The following MANF variants were observed in gnomAD, a reference collection of about 807,000 sequenced individuals.
MANF encodes mesencephalic astrocyte-derived neurotrophic factor.
A neutral mutation model predicts 19.1 loss-of-function variants in MANF; 9 were observed. The observed-to-expected ratio is 0.47, with a 90% confidence interval of 0.28 to 0.82. The LOEUF (loss-of-function observed/expected upper bound fraction) is 0.82. Among genes scored for constraint, MANF ranks in the 40% least tolerant of loss-of-function variants. MANF has a pLI of 0.10. For synonymous variants in MANF, 89 were observed against 88.0 expected, an observed-to-expected ratio of 1.01 and a Z score of -0.06; for missense variants, 225 against 226.7, an observed-to-expected ratio of 0.99 and a Z score of 0.05.
chr3:51,387,446 A>T (rs1367673946), intron 2 of MANF, among the ~76,000 whole-genome samples: 3 of 150,114 alleles, frequency 2.0e-5, no homozygotes, highest in Non-Finnish European at 4.4e-5. Flanking sequence ...TGGGTGACAG[A>T]GCAAAACTTT....
intron 1 of MANF, 136 bp from the exon 2 acceptor site, chr3:51,386,071 GA>G: frequency 5.2e-6 from 5 of 969,238 alleles, no homozygotes; most frequent in Non-Finnish European, 7.6e-6. Context: ...AGACACCTGA[GA>G]AAAATCGGTG....
At chr3:51,385,634 T>A in intron 1 of MANF, 198 bp downstream of exon 1, 2 of 383,666 alleles carry the variant, frequency 5.2e-6, no homozygotes, top group Non-Finnish European at 4.6e-6. Context: ...TAGAAAACAT[T>A]GGTCCGACGA....
intron 2 of MANF, 85 bp from the exon 3 acceptor site, chr3:51,387,652 A>C: frequency 7.5e-7 from 1 of 1,329,430 alleles, no homozygotes; most frequent in Non-Finnish European, 1.0e-6. Flanking sequence ...GGCCCTACAG[A>C]GAGATGATGT....
At position 51,386,249 on chromosome 3, in the gene MANF, G is replaced by A. The variant is rs781860862; in HGVS notation, c.136G>A (p.Asp46Asn). Residue 46 changes from aspartate to asparagine, a missense_variant, in exon 2 of 4, where the codon GAC becomes AAC. Asp to Asn is a conservative substitution (Grantham distance 23). Transcript: ENST00000528157. The part of the protein sequence containing the change: ...YLGRFYQDLK[D>N]RDVTFSPATI... The stretch of plus-strand genomic sequence containing the variant: ...GGGAAGATTTTACCAGGACCTCAAA[G>A]ACAGAGATGTCACATTCTCACCAGC... The A allele has an allele frequency of 1.9e-6, 3 of 1,613,796 alleles. No homozygotes were observed. Among genetic ancestry groups the A allele is most frequent in the Non-Finnish European group, 1.7e-6 (2 of 1,179,800 alleles).
rs555582370 is a variant in MANF at position 51,388,727 on chromosome 3, CT to C, written c.365-177del. 1.3e-3 allele frequency among the ~76,000 whole-genome samples: 195 copies of C among 152,302 alleles called. 1 individual carries two copies. The highest frequency in any genetic ancestry group is 2.2e-3 in the Non-Finnish European group (153 of 68,030). ...GTAGCCAGCCTTCCTGGTGAAGAGGCTAGTTCCCTCTTGTGGGGGCAGTAGG... is the reference window on the plus strand; with the variant it reads ...GTAGCCAGCCTTCCTGGTGAAGAGGCAGTTCCCTCTTGTGGGGGCAGTAGG... On this transcript the variant is annotated intron_variant, in intron 3 of 3. Coordinates refer to ENST00000528157, the MANE Select transcript of MANF (RefSeq NM_006010.6).
chr3:51,388,829 A>G, intron 3 of MANF, 76 bp from the exon 4 acceptor site: 1 of 1,143,696 alleles, frequency 8.7e-7, no homozygotes. Context: ...CCGTTCAGGG[A>G]GTGACATACT....
intron 3 of MANF, among the ~76,000 whole-genome samples, 155 bp from the exon 4 acceptor site, chr3:51,388,750 T>TA (rs1287820126): frequency 6.6e-6 from 1 of 152,236 alleles, no homozygotes; most frequent in African/African-American, 2.4e-5. Flanking sequence ...GTGGGGGCAG[T>TA]AGGCACTGAC....
chr3:51,386,120 T>A, intron 1 of MANF, 88 bp from the exon 2 acceptor site: 1 of 1,387,136 alleles, frequency 7.2e-7, no homozygotes, highest in South Asian at 1.2e-5. Flanking sequence ...TCTCCGTGTC[T>A]CCTATTAAAA....
chr3:51,387,371 T>C (rs566414920), intron 2 of MANF, among the ~76,000 whole-genome samples: 25 of 152,114 alleles, frequency 1.6e-4, no homozygotes, highest in African/African-American at 6.0e-4. Context: ...CAGGGAGAAT[T>C]GCTTGAACCT....
At chr3:51,388,818 G>T in intron 3 of MANF, 87 bp from the exon 4 acceptor site, 1 of 1,020,808 alleles carries the variant, frequency 9.8e-7, no homozygotes. Context: ...GGCTGGTTTG[G>T]CCGTTCAGGG....
chr3:51,387,572 C>T, intron 2 of MANF, 165 bp from the exon 3 acceptor site: 1 of 606,296 alleles, frequency 1.6e-6, no homozygotes, highest in Non-Finnish European at 2.9e-6. Flanking sequence ...ATTGAAGCTG[C>T]AGGGAGCCGT....
In MANF at chr3:51,385,355, T is replaced by C; in HGVS notation, c.13T>C (p.Trp5Arg). 1 of 1,237,676 alleles carries C rather than the reference T, an allele frequency of 8.1e-7. No homozygotes were observed. The highest frequency in any genetic ancestry group is 1.0e-6 in the Non-Finnish European group (1 of 988,440). 76.7% of individuals were successfully genotyped at this position (1,237,676 alleles called of 1,614,324 possible). ...GAGGATGAGGAGGATGAGGAGGATG[T>C]GGGCCACGCAGGGGCTGGCGGTGGC... Reference protein sequence around the residue: MRRMWATQGLAVALA... With the variant: MRRMRATQGLAVALA... Residue 5 changes from tryptophan to arginine, a missense_variant, in exon 1 of 4, where the codon TGG becomes CGG. Transcript: ENST00000528157.
Position 51,389,196 on chromosome 3 carries a change from T to C in MANF, c.*107T>C. 3.1e-6 allele frequency: 3 copies of C among 962,986 alleles called. No individual in the cohort carries two copies. The highest frequency in any genetic ancestry group is 3.2e-5 in the South Asian group (2 of 62,038). The allele number at this position is 962,986 out of a possible 1,614,324, so 59.7% of individuals were successfully genotyped here. ...TTTAAGTGGGCTCCTGACAATACTG[T>C]ATCAGATGTGAAGCCTGGAGCTTTC... On this transcript the variant is annotated 3_prime_UTR_variant, in exon 4 of 4. Coordinates refer to ENST00000528157, the MANE Select transcript of MANF (RefSeq NM_006010.6).
Position 51,386,596 on chromosome 3 carries a change from T to C in MANF, c.222+261T>C, listed in dbSNP as rs918877750. 5.3e-5 allele frequency among the ~76,000 whole-genome samples: 8 copies of C among 152,344 alleles called. No homozygotes were observed. In the East Asian group the frequency reaches 1.5e-3, roughly 29 times the overall value. ...CACTGGGAATATCAGGGGAAAGAAG[T>C]GACAGTCGGACACACAAATAATGCA... On this transcript the variant is annotated intron_variant, in intron 2 of 3. Coordinates refer to ENST00000528157, the MANE Select transcript of MANF (RefSeq NM_006010.6).
chr3:51,385,295 G>A lies in MANF; in HGVS notation c.-48G>A. The stretch of plus-strand genomic sequence containing the variant: ...GCGGCGCGGCGGGTGCGGTTCAGTC[G>A]GTCGGCGGCGGCAGCGGAGGAGGAG... On this transcript the variant is annotated 5_prime_UTR_variant, in exon 1 of 4. Transcript: ENST00000528157. 2 of 1,175,164 alleles carry A rather than the reference G, an allele frequency of 1.7e-6. No individual in the cohort carries two copies. The allele number at this position is 1,175,164 out of a possible 1,614,324, so 72.8% of individuals were successfully genotyped here. A position where few individuals can be genotyped will look rare whatever the true frequency, so the allele number is the denominator to read the frequency against.
rs782635704 is a variant in MANF, at chr3:51,388,959, TGAA to T, written c.425_427del (p.Lys142del). 1.3e-6 allele frequency: 2 copies of T among 1,599,292 alleles called. No homozygotes were observed. The highest frequency in any genetic ancestry group is 1.7e-5 in the Admixed American group (1 of 57,814). ...CTGAAGAAGCTCCGAGTTAAAGAGCTGAAGAAGATTCTGGATGACTGGGGGGAG... is the reference window on the plus strand; with the variant it reads ...CTGAAGAAGCTCCGAGTTAAAGAGCTGAAGATTCTGGATGACTGGGGGGAG... On this transcript the variant is annotated inframe_deletion, in exon 4 of 4. Transcript: ENST00000528157.
chr3:51,388,011 G>A (rs2088979127), intron 3 of MANF, 133 bp downstream of exon 3: 5 of 884,190 alleles, frequency 5.7e-6, no homozygotes, highest in Non-Finnish European at 8.6e-6. Flanking sequence ...AATGCTGGAG[G>A]GCTCTGGCAT....
Position 51,386,312 on chromosome 3 carries a change from G to A in MANF, c.199G>A (p.Ala67Thr). The A allele has an allele frequency of 6.2e-7, 1 of 1,613,970 alleles. No homozygotes were observed. The highest frequency in any genetic ancestry group is 2.2e-5 in the East Asian group (1 of 44,882). The stretch of plus-strand genomic sequence containing the variant: ...CGAACTTATAAAGTTCTGCCGGGAA[G>A]CAAGAGGCAAAGAGAATCGGTTGGT... ...ENELIKFCRE[A>T]RGKENRLCYY... The change falls in exon 2 of 4, where the codon GCA becomes ACA. Residue 67 changes from alanine (A) to threonine (T), a missense_variant. By Grantham distance (58) the Ala-to-Thr change is moderately conservative. Coordinates refer to ENST00000528157, the MANE Select transcript of MANF (RefSeq NM_006010.6).
chr3:51,387,667 A>G (rs531430001), intron 2 of MANF, 70 bp from the exon 3 acceptor site: 10 of 1,440,794 alleles, frequency 6.9e-6, no homozygotes, highest in East Asian at 2.4e-5. Flanking sequence ...TGATGTTTCA[A>G]GGTGTCAGTA....
Sources: allele counts gnomAD v4.1 joint callset (sites outside exome capture counted in the v4.1 genomes callset), GRCh38; gene constraint gnomAD v4.1.1; transcripts MANE v1.5; gene names NCBI Gene and HGNC (gene_info 2026-07-23, HGNC 2026-07-21).